Variants in SYNE1 observed in about 807,000 individuals in gnomAD.
SYNE1 encodes the protein nesprin-1.
In SYNE1, 616 loss-of-function variants were observed where a neutral mutation model predicts 1,111.0. The observed-to-expected ratio is 0.55, with a 90% CI of 0.52 to 0.59. The LOEUF (loss-of-function observed/expected upper bound fraction) is 0.59. Among genes scored for constraint, SYNE1 ranks in the 20% least tolerant of loss-of-function variants. The pLI, the probability that SYNE1 is intolerant of heterozygous loss-of-function variation, is 0.00. For synonymous variants in SYNE1, 3,855 were observed against 3,825.8 expected (o/e 1.01, Z -0.28); for missense variants, 10,006 against 10,417.0 (o/e 0.96, Z 1.72).
intron 63 of SYNE1, among the ~76,000 whole-genome samples, chr6:152,363,526 TAA>T (rs1563377114): frequency 3.4e-5 from 5 of 147,508 alleles, no homozygotes; most frequent in Non-Finnish European, 7.5e-5. Flanking sequence ...AATAAATAAA[TAA>T]ATAAATAAAT....
chr6:152,537,245 C>T (rs977074147), intron 4 of SYNE1, among the ~76,000 whole-genome samples: 4 of 151,962 alleles, frequency 2.6e-5, no homozygotes, highest in African/African-American at 9.7e-5. Context: ...TTGTGATTTG[C>T]AATGTTTTAC....
rs987141896 is a variant in SYNE1, at chr6:152,219,154, T to C, written c.21893A>G (p.Asp7298Gly). ...CAGCTCATGGAGAAAAAAGAGGGAATCTTTAACTGTGCCCAGTCCTTTGAG... is the reference window on the plus strand; with the variant it reads ...CAGCTCATGGAGAAAAAAGAGGGAACCTTTAACTGTGCCCAGTCCTTTGAG... Reference protein sequence around the residue: ...DLLKGLGTVKDSLFFLHELGE... With the variant: ...DLLKGLGTVKGSLFFLHELGE... The change falls in exon 120 of 146, where the codon GAT (aspartate) becomes GGT (glycine). Residue 7298 changes from aspartate to glycine, a missense_variant. Physicochemically the swap from Asp to Gly is moderately conservative, Grantham distance 94. Coordinates refer to ENST00000367255, the MANE Select transcript of SYNE1 (RefSeq NM_182961.4). 8.1e-6 allele frequency: 13 copies of C among 1,613,910 alleles called. No homozygotes were observed. The highest frequency in any genetic ancestry group is 5.3e-5 in the African/African-American group (4 of 74,906).
At chr6:152,602,797 A>G (rs1359109362) in intron 3 of SYNE1, among the ~76,000 whole-genome samples, 2 of 152,202 alleles carry the variant, frequency 1.3e-5, no homozygotes, top group Non-Finnish European at 2.9e-5. Flanking sequence ...GGAAAAAAGA[A>G]AGAAAAAAGG....
intron 30 of SYNE1, among the ~76,000 whole-genome samples, chr6:152,444,029 T>C (rs538508010): frequency 6.6e-6 from 1 of 152,344 alleles, no homozygotes; most frequent in South Asian, 2.1e-4. Flanking sequence ...GATTTTAATA[T>C]AATGACAAAA....
chr6:152,481,975 G>C (rs2098905617), intron 14 of SYNE1, among the ~76,000 whole-genome samples: 2 of 151,962 alleles, frequency 1.3e-5, no homozygotes, highest in Admixed American at 1.3e-4. Context: ...GTCTGCGTTG[G>C]TGATTGGGGG....
At chr6:152,380,572 C>T (rs1591537353) in intron 56 of SYNE1, 2 of 204,676 alleles carry the variant, frequency 9.8e-6, no homozygotes, top group African/African-American at 2.4e-5. Flanking sequence ...TAACTATTTG[C>T]TGTGCTGTAG....
rs1267003157 is a variant in SYNE1, at chr6:152,164,225, T to G, written c.23728A>C (p.Lys7910Gln). The G allele has an allele frequency of 1.2e-6, 2 of 1,614,230 alleles. No individual in the cohort carries two copies. Among genetic ancestry groups the G allele is most frequent in the Admixed American group, 3.3e-5 (2 of 60,026 alleles). The change falls in exon 131 of 146, where the codon AAG (lysine) becomes CAG (glutamine). Residue 7910 changes from lysine to glutamine, a missense_variant. Transcript: ENST00000367255. The part of the protein sequence containing the change: ...WLAHIESELA[K>Q]PIVYDSCNSE... Reference sequence around the variant, plus strand: ...TTACAGGAATCGTAGACTATTGGCTTGGCCAGCTCTGACTCGATGTGAGCG... The same window carrying G: ...TTACAGGAATCGTAGACTATTGGCTGGGCCAGCTCTGACTCGATGTGAGCG...
rs1210694976 is a variant in SYNE1, at chr6:152,148,781, T to A, written c.24643-403A>T. Reference sequence around the variant, plus strand: ...TAACATTAAAACATACTTCAAATAATTAATATAAGATTAAATAAATATTAT... The same window carrying A: ...TAACATTAAAACATACTTCAAATAAATAATATAAGATTAAATAAATATTAT... On this transcript the variant is annotated intron_variant, in intron 136 of 145. Coordinates refer to ENST00000367255, the MANE Select transcript of SYNE1 (RefSeq NM_182961.4). This position sits in a 1 kb window ranked among gnomAD's most constrained non-coding sequence, Gnocchi z 4.1. 1.3e-5 allele frequency among the ~76,000 whole-genome samples: 2 copies of A among 151,802 alleles called. No individual in the cohort carries two copies. The highest frequency in any genetic ancestry group is 1.3e-4 in the Admixed American group (2 of 15,246).
At chr6:152,405,452 A>G (rs1423652682) in intron 45 of SYNE1, among the ~76,000 whole-genome samples, 3 of 152,192 alleles carry the variant, frequency 2.0e-5, no homozygotes, top group Admixed American at 6.5e-5. Context: ...AATTATTTCA[A>G]CCATGATACA....
chr6:152,317,980 A>G (rs1275425635), intron 86 of SYNE1, 101 bp downstream of exon 86: 1 of 1,504,580 alleles, frequency 6.6e-7, no homozygotes, highest in Non-Finnish European at 9.2e-7. Context: ...CTCATTGTCC[A>G]TTTTATCTTT....
intron 130 of SYNE1, chr6:152,168,438 G>A: frequency 2.0e-6 from 1 of 500,572 alleles, no homozygotes; most frequent in East Asian, 3.3e-5. Flanking sequence ...TAGGCCACGA[G>A]TGTAAGAAGG....
In SYNE1 at chr6:152,122,397, T is replaced by G. The variant is rs1463663999; in HGVS notation, c.*39A>C. On this transcript the variant is annotated 3_prime_UTR_variant, in exon 146 of 146. Coordinates refer to ENST00000367255, the MANE Select transcript of SYNE1 (RefSeq NM_182961.4). The stretch of plus-strand genomic sequence containing the variant: ...GGGATTGCTTATGACCCGATCCTCC[T>G]TATGCTACCAGCACTTCTGCAGATG... The G allele has an allele frequency of 2.7e-5, 44 of 1,613,696 alleles. No individual in the cohort carries two copies. The highest frequency in any genetic ancestry group is 3.4e-5 in the Non-Finnish European group (40 of 1,180,042).
chr6:152,382,520 G>A (rs2097438407), intron 55 of SYNE1, among the ~76,000 whole-genome samples: 1 of 152,060 alleles, frequency 6.6e-6, no homozygotes, highest in South Asian at 2.1e-4. Flanking sequence ...AAAGTATTTA[G>A]TATTCAGTTG....
intron 87 of SYNE1, among the ~76,000 whole-genome samples, chr6:152,313,173 TG>T (rs529159990): frequency 3.9e-4 from 60 of 152,356 alleles, no homozygotes; most frequent in African/African-American, 1.4e-3. Flanking sequence ...TAAGAATCTA[TG>T]TTAAAATTAT....
intron 126 of SYNE1, among the ~76,000 whole-genome samples, chr6:152,204,783 A>C (rs1021495159): frequency 3.9e-5 from 6 of 152,226 alleles, no homozygotes; most frequent in African/African-American, 1.4e-4. Flanking sequence ...ATATCTATTA[A>C]AGTGGATGTT....
At chr6:152,269,951 G>A (rs1423018900) in intron 98 of SYNE1, among the ~76,000 whole-genome samples, 1 of 152,154 alleles carries the variant, frequency 6.6e-6, no homozygotes, top group Non-Finnish European at 1.5e-5. Context: ...GGGTTTCCCA[G>A]GCCGGCTGGA....
chr6:152,476,838 C>A (rs2098837536), intron 14 of SYNE1, among the ~76,000 whole-genome samples: 1 of 150,190 alleles, frequency 6.7e-6, no homozygotes, highest in South Asian at 2.1e-4. Flanking sequence ...CACTACACTC[C>A]CGCCTCGGCA....
intron 127 of SYNE1, 76 bp downstream of exon 127, chr6:152,201,748 T>TGA: frequency 1.9e-6 from 3 of 1,608,372 alleles, no homozygotes; most frequent in Non-Finnish European, 2.6e-6. Flanking sequence ...CCTAAGAGTT[T>TGA]GACTGGATTA....
rs556156555 is a variant in SYNE1 at position 152,240,718 on chromosome 6, T to C, written c.19894-1012A>G. Among the ~76,000 whole-genome samples the C allele has an allele frequency of 3.3e-5, 5 of 152,314 alleles. No individual in the cohort carries two copies. The East Asian group carries it at 5.8e-4, about 18-fold the overall frequency. ...CTAACAACTCTATAACTCTATGAGA[T>C]AGGCAGTTTTGTTTCCAGTTTTACA... On this transcript the variant is annotated intron_variant, in intron 107 of 145. Coordinates refer to ENST00000367255, the MANE Select transcript of SYNE1 (RefSeq NM_182961.4).
Sources: allele counts gnomAD v4.1 joint callset (sites outside exome capture counted in the v4.1 genomes callset), GRCh38; gene constraint gnomAD v4.1.1; non-coding constraint Gnocchi (gnomAD v3.1); transcripts MANE v1.5; gene names NCBI Gene and HGNC (gene_info 2026-07-23, HGNC 2026-07-21).